LRRC58: variants seen among roughly 807,000 people sequenced by gnomAD.
LRRC58 encodes leucine-rich repeat-containing protein 58.
A neutral mutation model predicts 30.6 loss-of-function variants in LRRC58; 18 were observed. The ratio of observed to expected loss-of-function variants is 0.59; its 90% CI spans 0.41 to 0.87. The LOEUF (loss-of-function observed/expected upper bound fraction) is 0.87, where lower values mean the gene tolerates loss of function less well. Among genes scored for constraint, LRRC58 ranks in the 40% least tolerant of loss-of-function variants. The pLI is 0.00. For missense variants in LRRC58, 420 were observed against 468.4 expected, an observed-to-expected ratio of 0.90 and a Z score of 0.95; for synonymous variants, 221 against 206.0, an observed-to-expected ratio of 1.07 and a Z score of -0.62.
chr3:120,340,534 G>A (rs2107625290), intron 1 of LRRC58, among the ~76,000 whole-genome samples: 1 of 152,224 alleles, frequency 6.6e-6, no homozygotes, highest in South Asian at 2.1e-4. Flanking sequence ...CTTCCTTGAT[G>A]TGTGGTTATT....
intron 1 of LRRC58, among the ~76,000 whole-genome samples, chr3:120,343,306 T>A (rs1241191611): frequency 1.3e-5 from 2 of 152,226 alleles, no homozygotes; most frequent in African/African-American, 4.8e-5. Flanking sequence ...TTCGATGATT[T>A]GTGGGAATTA....
chr3:120,330,566 A>C lies in LRRC58; in HGVS notation c.*634T>G, dbSNP rs1180706942. ...AGGTTAATAGCAATCATATAGAACAAAGGATAATAATGAAAAAGTTTTAAT... is the reference window on the plus strand; with the variant it reads ...AGGTTAATAGCAATCATATAGAACACAGGATAATAATGAAAAAGTTTTAAT... On this transcript the variant is annotated 3_prime_UTR_variant, in exon 4 of 4. Coordinates refer to ENST00000295628, the MANE Select transcript of LRRC58 (RefSeq NM_001099678.2). 1 of 152,266 alleles carries C rather than the reference A, an allele frequency of 6.6e-6. No homozygotes were observed. The highest frequency in any genetic ancestry group is 1.5e-5 in the Non-Finnish European group (1 of 68,096). The allele number at this position is 152,266 out of a possible 1,614,324, so 9.4% of individuals were successfully genotyped here. A position where few individuals can be genotyped will look rare whatever the true frequency, so the allele number is the denominator to read the frequency against.
intron 1 of LRRC58, among the ~76,000 whole-genome samples, chr3:120,338,554 C>A (rs1935864056): frequency 6.6e-6 from 1 of 152,224 alleles, no homozygotes; most frequent in Admixed American, 6.5e-5. Flanking sequence ...AAGTTACACT[C>A]TAGAGAGGGT....
At chr3:120,340,368 A>G (rs1935889888) in intron 1 of LRRC58, among the ~76,000 whole-genome samples, 2 of 152,136 alleles carry the variant, frequency 1.3e-5, no homozygotes, top group South Asian at 2.1e-4. Context: ...AGAAACTCCA[A>G]TTGGGGTTTT....
chr3:120,335,817 C>CTACT lies in LRRC58; in HGVS notation c.629+4_629+7dup. The CTACT allele has an allele frequency of 6.2e-7, 1 of 1,608,942 alleles. No individual in the cohort carries two copies. Among genetic ancestry groups the CTACT allele is most frequent in the Non-Finnish European group, 8.5e-7 (1 of 1,176,124 alleles). Reference sequence around the variant, plus strand: ...TCTGCGTATATACAAATGCCTGGAACTACTCACTGTGAAAGTTGAGGAGGT... The same window carrying CTACT: ...TCTGCGTATATACAAATGCCTGGAACTACTTACTCACTGTGAAAGTTGAGGAGGT... On this transcript the variant is annotated splice_region_variant and intron_variant, in intron 2 of 3. Coordinates refer to ENST00000295628, the MANE Select transcript of LRRC58 (RefSeq NM_001099678.2).
chr3:120,346,110 T>C (rs928419206), intron 1 of LRRC58, among the ~76,000 whole-genome samples: 1 of 151,958 alleles, frequency 6.6e-6, no homozygotes. Flanking sequence ...GTACAAAAAT[T>C]AGCTGGCGTG....
intron 2 of LRRC58, among the ~76,000 whole-genome samples, chr3:120,335,521 G>C (rs1400448921): frequency 6.6e-6 from 1 of 152,170 alleles, no homozygotes; most frequent in South Asian, 2.1e-4. Context: ...AATTAGGATA[G>C]AAATGTTTCA....
chr3:120,331,559 T>A (rs1253138579), intron 3 of LRRC58, among the ~76,000 whole-genome samples, 151 bp from the exon 4 acceptor site: 1 of 152,224 alleles, frequency 6.6e-6, no homozygotes, highest in Non-Finnish European at 1.5e-5. Flanking sequence ...TAGCTGTCTA[T>A]AAGCCTACTG....
intron 3 of LRRC58, 23 bp from the exon 4 acceptor site, chr3:120,331,431 A>G (rs1559992811): frequency 1.3e-6 from 2 of 1,562,856 alleles, no homozygotes; most frequent in South Asian, 2.2e-5. Context: ...AGGAATAGAA[A>G]GTAATCATTA....
At chr3:120,348,142 A>C (rs539333932) in intron 1 of LRRC58, among the ~76,000 whole-genome samples, 277 of 152,368 alleles carry the variant, frequency 1.8e-3, no homozygotes, top group African/African-American at 6.5e-3. Context: ...GGCGTTTGCC[A>C]GGTGAAGGAA....
chr3:120,343,724 C>T (rs368125122), intron 1 of LRRC58, among the ~76,000 whole-genome samples: 18 of 152,196 alleles, frequency 1.2e-4, no homozygotes, highest in East Asian at 7.7e-4. Context: ...AAACTGACAC[C>T]GAACATCATA....
Position 120,349,231 on chromosome 3 carries a change from C to T in LRRC58, c.13G>A (p.Gly5Arg). Reference sequence around the variant, plus strand: ...TCCCCGGCCGTGACCACCGCTGCTCCGGCCTCCTCCATCCTGGCCACCGCA... The same window carrying T: ...TCCCCGGCCGTGACCACCGCTGCTCTGGCCTCCTCCATCCTGGCCACCGCA... MEEA[G>R]AAVVTAGEAE... The change falls in exon 1 of 4, where the codon GGA (glycine) becomes AGA (arginine). Residue 5 changes from glycine to arginine, a missense_variant. By Grantham distance (125) the Gly-to-Arg change is moderately radical (BLOSUM62 -2). This residue lies in a region of LRRC58 where 266 missense variants were observed against 251.7 expected (regional missense o/e 1.06). Transcript: ENST00000295628. 4 of 1,404,076 alleles carry T rather than the reference C, an allele frequency of 2.8e-6. No individual in the cohort carries two copies. Among genetic ancestry groups the T allele is most frequent in the South Asian group, 1.5e-5 (1 of 65,894 alleles). 87.0% of individuals were successfully genotyped at this position (1,404,076 alleles called of 1,614,324 possible).
In LRRC58 at chr3:120,335,155, T is replaced by C. The variant is rs574288831; in HGVS notation, c.630-16A>G. ...TGAATGTAACCTAGAATAAATGTAG[T>C]AGAAAAATCAATGGCAGTAAACAAC... is the stretch of plus-strand genomic sequence containing the variant. On this transcript the variant is annotated splice_polypyrimidine_tract_variant and intron_variant, in intron 2 of 3. Coordinates refer to ENST00000295628, the MANE Select transcript of LRRC58 (RefSeq NM_001099678.2). 32 of 1,602,296 alleles carry C rather than the reference T, an allele frequency of 2.0e-5. No individual in the cohort carries two copies. The highest frequency in any genetic ancestry group is 2.6e-5 in the Non-Finnish European group (31 of 1,172,464).
intron 1 of LRRC58, among the ~76,000 whole-genome samples, chr3:120,347,400 T>TTTTTTTTTTTTTTTTTTC (rs1935985122): frequency 9.0e-6 from 1 of 111,370 alleles, no homozygotes; most frequent in African/African-American, 3.6e-5. Flanking sequence ...TTTTTTTTTT[T>TTTTTTTTTTTTTTTTTTC]TTGAGACAGA....
intron 3 of LRRC58, among the ~76,000 whole-genome samples, chr3:120,333,216 T>C (rs1020057758): frequency 2.0e-5 from 3 of 152,204 alleles, no homozygotes; most frequent in Non-Finnish European, 2.9e-5. Context: ...AGCATTTTTG[T>C]TCCTAAGATA....
intron 3 of LRRC58, among the ~76,000 whole-genome samples, chr3:120,333,509 CT>C (rs1358294232): frequency 6.6e-6 from 1 of 152,190 alleles, no homozygotes; most frequent in Non-Finnish European, 1.5e-5. Flanking sequence ...CTCAAAGTGT[CT>C]TTTTTATCTT....
At position 120,348,728 on chromosome 3, in the gene LRRC58, G is replaced by T; in HGVS notation, c.500+16C>A. On this transcript the variant is annotated intron_variant, in intron 1 of 3. Coordinates refer to ENST00000295628, the MANE Select transcript of LRRC58 (RefSeq NM_001099678.2). ...CCGCCCGAGGCCTCCCCACCCTCCG[G>T]CACACACCCGCTCACCTCTGCAAGT... is the stretch of plus-strand genomic sequence containing the variant. 6.5e-7 allele frequency: 1 copy of T among 1,544,920 alleles called. No individual in the cohort carries two copies. Among genetic ancestry groups the T allele is most frequent in the Non-Finnish European group, 8.7e-7 (1 of 1,143,360 alleles).
intron 1 of LRRC58, among the ~76,000 whole-genome samples, chr3:120,338,704 T>C (rs1182188826): frequency 2.0e-5 from 3 of 152,238 alleles, no homozygotes; most frequent in Non-Finnish European, 4.4e-5. Context: ...TCAGAATGAC[T>C]GAGGTGGGAC....
At chr3:120,341,246 C>T (rs1057327066) in intron 1 of LRRC58, among the ~76,000 whole-genome samples, 4 of 152,014 alleles carry the variant, frequency 2.6e-5, no homozygotes, top group Non-Finnish European at 5.9e-5. Context: ...TAGAACAGAA[C>T]AGAACAGAAT....
Sources: gnomAD v4.1 joint callset for allele counts (sites outside exome capture counted in the v4.1 genomes callset) on GRCh38, gnomAD v4.1.1 for gene constraint, gnomAD v4.1.1 regional missense constraint, MANE v1.5 for transcripts, NCBI Gene and HGNC (gene_info 2026-07-23, HGNC 2026-07-21) for gene names.